The following GABRG3 variants were observed in gnomAD, a reference collection of about 807,000 sequenced individuals.
The protein encoded by GABRG3 is gamma-aminobutyric acid type A receptor subunit gamma3, also known as gamma-aminobutyric acid receptor subunit gamma-3.
GABRG3 carries 25 observed loss-of-function variants against 48.8 expected under a neutral mutation model. That is an observed-to-expected ratio of 0.51 (90% CI 0.37 to 0.72). GABRG3 has a LOEUF of 0.72. GABRG3 is among the 30% of genes least tolerant of loss of function. The pLI is 0.00. For synonymous variants in GABRG3, 227 were observed against 217.6 expected (o/e 1.04, Z -0.38); for missense variants, 394 against 577.9 (o/e 0.68, Z 3.26).
intron 5 of GABRG3, among the ~76,000 whole-genome samples, chr15:27,337,718 C>T (rs1671078202): frequency 6.6e-6 from 1 of 152,166 alleles, no homozygotes; most frequent in South Asian, 2.1e-4. Flanking sequence ...TATACATGCT[C>T]TGCACTCTCT....
intron 3 of GABRG3, among the ~76,000 whole-genome samples, chr15:27,112,941 C>G (rs1224846888): frequency 6.6e-6 from 1 of 152,160 alleles, no homozygotes; most frequent in Non-Finnish European, 1.5e-5. Flanking sequence ...TTCTTCAATT[C>G]TAAGAATAAA....
chr15:27,059,835 A>G (rs773356983), intron 3 of GABRG3, among the ~76,000 whole-genome samples: 1 of 152,212 alleles, frequency 6.6e-6, no homozygotes, highest in Non-Finnish European at 1.5e-5. Context: ...GTCTGCACCA[A>G]TCACCAGGGA....
At chr15:27,418,930 C>T (rs1027203069) in intron 5 of GABRG3, 4 of 152,184 alleles carry the variant, frequency 2.6e-5, no homozygotes, top group African/African-American at 9.7e-5. Flanking sequence ...CAACTCGGGG[C>T]TTTGCAGAAG....
intron 5 of GABRG3, among the ~76,000 whole-genome samples, chr15:27,437,336 T>A (rs1888650601): frequency 6.6e-6 from 1 of 152,232 alleles, no homozygotes; most frequent in South Asian, 2.1e-4. Context: ...TGGAGTAAAA[T>A]TAAATTTTAT....
At chr15:27,439,565 T>A (rs577228772) in intron 5 of GABRG3, among the ~76,000 whole-genome samples, 1 of 151,984 alleles carries the variant, frequency 6.6e-6, no homozygotes, top group South Asian at 2.1e-4. Context: ...CCCACGGGGG[T>A]CCATGTATGT....
At chr15:27,088,269 G>A (rs905255172) in intron 3 of GABRG3, among the ~76,000 whole-genome samples, 20 of 151,280 alleles carry the variant, frequency 1.3e-4, no homozygotes, top group Non-Finnish European at 2.8e-4. Context: ...GGGCGGGCGC[G>A]GGGGCGGGCG....
In GABRG3 at chr15:27,248,803, C is replaced by CACACACACAGAGAGAGAG. The variant is rs1377080195; in HGVS notation, c.271-78005_271-78004insCACACACAGAGAGAGAGA. Among the ~76,000 whole-genome samples, 6 of 110,238 alleles carry CACACACACAGAGAGAGAG rather than the reference C, an allele frequency of 5.4e-5. No homozygotes were observed. In the South Asian group the frequency reaches 1.3e-3, roughly 25 times the overall value. The allele number at this position is 110,238 out of a possible 152,430, so 72.3% of individuals were successfully genotyped here. On this transcript the variant is annotated intron_variant, in intron 3 of 9. Transcript: ENST00000615808. ...ACACACACACACACACACACACACA[C>CACACACACAGAGAGAGAG]AGAGAGAGAGAGAGAGAGAGAGAGA...
At chr15:27,532,521 T>C in intron 9 of GABRG3, 79 bp from the exon 10 acceptor site, 5 of 1,389,278 alleles carry the variant, frequency 3.6e-6, no homozygotes, top group Non-Finnish European at 4.9e-6. Context: ...AGATGTAATA[T>C]GGACCTACTG....
At chr15:27,218,402 T>C (rs1889337842) in intron 3 of GABRG3, among the ~76,000 whole-genome samples, 4 of 152,188 alleles carry the variant, frequency 2.6e-5, no homozygotes, top group Admixed American at 2.6e-4. Flanking sequence ...AAAAGGGGAA[T>C]TCTGAGAAGG....
intron 5 of GABRG3, among the ~76,000 whole-genome samples, chr15:27,414,832 C>G (rs1476369607): frequency 6.6e-6 from 1 of 152,172 alleles, no homozygotes; most frequent in Non-Finnish European, 1.5e-5. Flanking sequence ...GCTTGGGTGA[C>G]CCTGCCCTCC....
At chr15:27,058,978 A>G (rs1339095945) in intron 3 of GABRG3, among the ~76,000 whole-genome samples, 1 of 152,212 alleles carries the variant, frequency 6.6e-6, no homozygotes, top group East Asian at 1.9e-4. Context: ...TATTAAAACA[A>G]TTTTAGATCT....
intron 3 of GABRG3, among the ~76,000 whole-genome samples, chr15:27,199,228 G>A (rs941340007): frequency 1.3e-5 from 2 of 152,176 alleles, no homozygotes; most frequent in African/African-American, 4.8e-5. Context: ...GTTTTTTATT[G>A]TGTTGTTAGG....
chr15:27,061,625 T>C (rs1305621334), intron 3 of GABRG3, among the ~76,000 whole-genome samples: 1 of 152,100 alleles, frequency 6.6e-6, no homozygotes, highest in Non-Finnish European at 1.5e-5. Context: ...TGGGCAGTAC[T>C]GGTTTCAAAG....
At chr15:27,313,043 A>C (rs1197966497) in intron 3 of GABRG3, among the ~76,000 whole-genome samples, 1 of 149,848 alleles carries the variant, frequency 6.7e-6, no homozygotes, top group African/African-American at 2.4e-5. Context: ...TGGAAAAAAA[A>C]AACTCCATGC....
At chr15:27,246,091 A>T (rs1310379434) in intron 3 of GABRG3, among the ~76,000 whole-genome samples, 1 of 152,030 alleles carries the variant, frequency 6.6e-6, no homozygotes, top group African/African-American at 2.4e-5. Context: ...CTCATGAGGG[A>T]TCTGCCCCAC....
chr15:27,318,586 C>T (rs1002203290), intron 3 of GABRG3, among the ~76,000 whole-genome samples: 5 of 152,222 alleles, frequency 3.3e-5, no homozygotes, highest in Admixed American at 2.6e-4. Flanking sequence ...GCCCAGGGAA[C>T]ATTGCAGATC....
At chr15:27,368,218 C>T (rs1231786865) in intron 5 of GABRG3, among the ~76,000 whole-genome samples, 5 of 152,134 alleles carry the variant, frequency 3.3e-5, no homozygotes, top group Admixed American at 2.6e-4. Context: ...TAATGGAGAC[C>T]GGGATGCATA....
chr15:27,346,615 G>A (rs1168968289), intron 5 of GABRG3, among the ~76,000 whole-genome samples: 1 of 141,284 alleles, frequency 7.1e-6, no homozygotes, highest in Non-Finnish European at 1.5e-5. Context: ...GTTCATGAAT[G>A]TTCTAGTCTT....
intron 3 of GABRG3, among the ~76,000 whole-genome samples, chr15:27,326,413 T>C (rs1328391058): frequency 6.6e-6 from 1 of 152,196 alleles, no homozygotes; most frequent in Non-Finnish European, 1.5e-5. Flanking sequence ...GTTAACACCT[T>C]GAGAAGGTGG....
Sources: gnomAD v4.1 joint callset for allele counts (sites outside exome capture counted in the v4.1 genomes callset) on GRCh38, gnomAD v4.1.1 for gene constraint, MANE v1.5 for transcripts, NCBI Gene and HGNC (gene_info 2026-07-23, HGNC 2026-07-21) for gene names.